CLIC4: variants seen among roughly 807,000 people sequenced by gnomAD.
CLIC4 encodes chloride intracellular channel protein 4.
CLIC4 carries 13 observed loss-of-function variants against 24.6 expected under a neutral mutation model. The ratio of observed to expected loss-of-function variants is 0.53; its 90% CI spans 0.34 to 0.84. The LOEUF is 0.84. Among genes scored for constraint, CLIC4 ranks in the 40% least tolerant of loss-of-function variants. The pLI, the probability that CLIC4 is intolerant of heterozygous loss-of-function variation, is 0.01. For synonymous variants in CLIC4, 104 were observed against 111.3 expected, an observed-to-expected ratio of 0.93 and a Z score of 0.41; for missense variants, 227 against 301.7, an observed-to-expected ratio of 0.75 and a Z score of 1.83.
At chr1:24,762,649 G>A (rs1638943312) in intron 1 of CLIC4, among the ~76,000 whole-genome samples, 1 of 152,176 alleles carries the variant, frequency 6.6e-6, no homozygotes, top group Non-Finnish European at 1.5e-5. Context: ...GGAGTGACCA[G>A]TTGTATCAAG....
intron 1 of CLIC4, among the ~76,000 whole-genome samples, chr1:24,782,669 A>G (rs1358096561): frequency 6.6e-6 from 1 of 152,178 alleles, no homozygotes; most frequent in Non-Finnish European, 1.5e-5. Flanking sequence ...TTTGGAAATA[A>G]TTTCATACTT....
intron 1 of CLIC4, among the ~76,000 whole-genome samples, chr1:24,787,962 T>C (rs1363565784): frequency 6.6e-6 from 1 of 151,712 alleles, no homozygotes; most frequent in Non-Finnish European, 1.5e-5. Context: ...TTCAAGTGAT[T>C]CTCCTCCCTC....
chr1:24,750,576 G>A (rs1638762523), intron 1 of CLIC4, among the ~76,000 whole-genome samples: 1 of 151,712 alleles, frequency 6.6e-6, no homozygotes, highest in South Asian at 2.1e-4. Flanking sequence ...TGTTGGTCAG[G>A]CTTGTCTCGA....
chr1:24,820,067 G>GTATATATATATATATATA (rs751126014), intron 3 of CLIC4, among the ~76,000 whole-genome samples: 13 of 36,466 alleles, frequency 3.6e-4, no homozygotes, highest in African/African-American at 1.2e-3. Flanking sequence ...AAAAAAGTAT[G>GTATATATATATATATATA]TATATATATA....
rs1639793512 is a variant in CLIC4 at position 24,827,071 on chromosome 1, A to G, written c.370A>G (p.Lys124Glu). 1 of 1,611,684 alleles carries G rather than the reference A, an allele frequency of 6.2e-7. No homozygotes were observed. The highest frequency in any genetic ancestry group is 8.5e-7 in the Non-Finnish European group (1 of 1,179,080). ...TACTGCTGGAATGGACATCTTTGCC[A>G]AATTCTCTGCATATATCAAGAATTC... ...SNTAGMDIFAKFSAYIKNSRP... is the reference protein window; with the variant it reads ...SNTAGMDIFAEFSAYIKNSRP... Residue 124 changes from lysine to glutamate, a missense_variant, in exon 4 of 6, where the codon AAA becomes GAA. By Grantham distance (56) the Lys-to-Glu change is moderately conservative. Transcript: ENST00000374379.
intron 1 of CLIC4, among the ~76,000 whole-genome samples, chr1:24,766,728 A>G (rs1571233805): frequency 1.4e-5 from 2 of 146,686 alleles, no homozygotes. Context: ...CTAGTCTTGA[A>G]CTCCTGGCGT....
chr1:24,798,881 G>A (rs958460151), intron 2 of CLIC4, among the ~76,000 whole-genome samples: 4 of 152,260 alleles, frequency 2.6e-5, no homozygotes, highest in African/African-American at 9.6e-5. Flanking sequence ...CCCTAACCGC[G>A]AGTGATCCGC....
chr1:24,790,406 A>C (rs1026838947), intron 1 of CLIC4, among the ~76,000 whole-genome samples: 1 of 152,250 alleles, frequency 6.6e-6, no homozygotes, highest in South Asian at 2.1e-4. Context: ...TGCTTCCAGA[A>C]TGTGATTTTA....
At chr1:24,802,914 G>T (rs545121091) in intron 2 of CLIC4, among the ~76,000 whole-genome samples, 8 of 151,942 alleles carry the variant, frequency 5.3e-5, no homozygotes, top group African/African-American at 1.9e-4. Flanking sequence ...TCCCTGTGTT[G>T]CCCAGGCTGG....
At chr1:24,758,681 C>T (rs948603378) in intron 1 of CLIC4, among the ~76,000 whole-genome samples, 6 of 152,142 alleles carry the variant, frequency 3.9e-5, no homozygotes, top group Non-Finnish European at 7.3e-5. Flanking sequence ...TGATCTCGAA[C>T]TCCTGACCTC....
At chr1:24,761,585 T>C (rs1416447933) in intron 1 of CLIC4, among the ~76,000 whole-genome samples, 1 of 152,186 alleles carries the variant, frequency 6.6e-6, no homozygotes, top group Admixed American at 6.6e-5. Flanking sequence ...GTATGTCATG[T>C]GAATTTTGTC....
intron 1 of CLIC4, among the ~76,000 whole-genome samples, chr1:24,792,699 A>T (rs1355150209): frequency 6.6e-6 from 1 of 152,140 alleles, no homozygotes; most frequent in Non-Finnish European, 1.5e-5. Flanking sequence ...TTATGTGTGC[A>T]TGAAGGAAAG....
At chr1:24,804,956 C>T (rs1016130056) in intron 2 of CLIC4, among the ~76,000 whole-genome samples, 14 of 151,528 alleles carry the variant, frequency 9.2e-5, no homozygotes, top group African/African-American at 2.9e-4. Flanking sequence ...AAAAATTAGT[C>T]GGGCATGGTG....
Position 24,799,585 on chromosome 1 carries a change from TCGGGGAGGGAGG to T in CLIC4, c.182+1735_182+1746del, listed in dbSNP as rs1398600843. Among the ~76,000 whole-genome samples, 430 of 144,464 alleles carry T rather than the reference TCGGGGAGGGAGG, an allele frequency of 3.0e-3. 7 individuals carry two copies. The highest frequency in any genetic ancestry group is 5.1e-3 in the Non-Finnish European group (337 of 66,256). 94.8% of individuals were successfully genotyped at this position (144,464 alleles called of 152,430 possible). A position where few individuals can be genotyped will look rare whatever the true frequency, so the allele number is the denominator to read the frequency against. Reference sequence around the variant, plus strand: ...CGTCTCCGCCCGGCCAGCCGCCCCGTCGGGGAGGGAGGTGGGGGGGTCAGCCCCCCGCCCGGC... The same window carrying T: ...CGTCTCCGCCCGGCCAGCCGCCCCGTTGGGGGGGTCAGCCCCCCGCCCGGC... On this transcript the variant is annotated intron_variant, in intron 2 of 5. Coordinates refer to ENST00000374379, the MANE Select transcript of CLIC4 (RefSeq NM_013943.3).
At chr1:24,793,705 G>T (rs1047984099) in intron 1 of CLIC4, among the ~76,000 whole-genome samples, 1 of 151,504 alleles carries the variant, frequency 6.6e-6, no homozygotes, top group Non-Finnish European at 1.5e-5. Flanking sequence ...AAGAATGATC[G>T]GATTTTTTTT....
chr1:24,797,201 C>T (rs1344816380), intron 1 of CLIC4, among the ~76,000 whole-genome samples: 1 of 151,652 alleles, frequency 6.6e-6, no homozygotes, highest in Admixed American at 6.6e-5. Context: ...ATCCACCTGC[C>T]TCAGCCTCCC....
intron 1 of CLIC4, among the ~76,000 whole-genome samples, chr1:24,785,501 G>A (rs946560425): frequency 6.6e-6 from 1 of 152,158 alleles, no homozygotes; most frequent in East Asian, 1.9e-4. Flanking sequence ...CCCTGTAGAA[G>A]AACAGCTTAT....
intron 1 of CLIC4, among the ~76,000 whole-genome samples, chr1:24,754,713 C>T (rs1447990868): frequency 6.6e-6 from 1 of 151,804 alleles, no homozygotes; most frequent in African/African-American, 2.4e-5. Flanking sequence ...ATTATATTGT[C>T]TATTTCGAGA....
intron 1 of CLIC4, among the ~76,000 whole-genome samples, chr1:24,765,665 T>A (rs1638985500): frequency 6.6e-6 from 1 of 152,230 alleles, no homozygotes; most frequent in East Asian, 1.9e-4. Flanking sequence ...TGTGTTAGAT[T>A]ATACCGTTGC....
Sources: gnomAD v4.1 joint callset for allele counts (sites outside exome capture counted in the v4.1 genomes callset) on GRCh38, gnomAD v4.1.1 for gene constraint, MANE v1.5 for transcripts, NCBI Gene and HGNC (gene_info 2026-07-23, HGNC 2026-07-21) for gene names.